NETO1: variants seen among roughly 807,000 people sequenced by gnomAD.
NETO1 encodes neuropilin and tolloid-like protein 1.
Under a neutral mutation model 61.3 loss-of-function variants are expected in NETO1, and 26 were observed. The ratio of observed to expected loss-of-function variants is 0.42; its 90% confidence interval spans 0.31 to 0.59. The LOEUF is 0.59. Among genes scored for constraint, NETO1 ranks in the 20% least tolerant of loss-of-function variants. The pLI is 0.12. For missense variants in NETO1, 531 were observed against 662.8 expected (o/e 0.80, Z 2.18); for synonymous variants, 225 against 225.8 (o/e 1.00, Z 0.03).
intron 3 of NETO1, among the ~76,000 whole-genome samples, chr18:72,863,814 G>C (rs952900730): frequency 6.6e-6 from 1 of 152,056 alleles, no homozygotes; most frequent in Non-Finnish European, 1.5e-5. Flanking sequence ...GTGTGTGTGT[G>C]GGGGGAAGGT....
intron 6 of NETO1, among the ~76,000 whole-genome samples, chr18:72,785,459 TAC>T (rs2071881612): frequency 6.6e-6 from 1 of 152,188 alleles, no homozygotes; most frequent in African/African-American, 2.4e-5. Flanking sequence ...AGATTCTCCT[TAC>T]AGCCCCAAAG....
chr18:72,816,527 A>T (rs2073038396), intron 4 of NETO1, among the ~76,000 whole-genome samples: 1 of 152,026 alleles, frequency 6.6e-6, no homozygotes, highest in African/African-American at 2.4e-5. Context: ...GGAGCGGGGG[A>T]AAGGGAGGAA....
intron 4 of NETO1, among the ~76,000 whole-genome samples, chr18:72,846,924 C>T (rs759142728): frequency 1.4e-4 from 22 of 152,322 alleles, no homozygotes; most frequent in African/African-American, 4.3e-4. Context: ...ACTTTGTTTG[C>T]GCGCCAAATT....
At position 72,749,038 on chromosome 18, in the gene NETO1, G is replaced by C; in HGVS notation, c.1592C>G (p.Thr531Ser). 6.2e-7 allele frequency: 1 copy of C among 1,610,494 alleles called. No homozygotes were observed. ...CCTTGAATTTTCTTTCTAGACCCTA[G>C]TTGTGTTGTATTCAGATTCATGTTT... ...LSKHESEYNTTRV is the reference protein window; with the variant it reads ...LSKHESEYNTSRV The change falls in exon 10 of 11, where the codon ACT (threonine) becomes AGT (serine). Residue 531 changes from threonine to serine, a missense_variant. Transcript: ENST00000327305.
intron 4 of NETO1, among the ~76,000 whole-genome samples, chr18:72,842,424 GTGATGA>G (rs951139613): frequency 6.6e-6 from 1 of 151,812 alleles, no homozygotes; most frequent in Non-Finnish European, 1.5e-5. Flanking sequence ...TATGGCGATG[GTGATGA>G]TGATGATGAT....
chr18:72,824,715 A>AC (rs1476288496), intron 4 of NETO1, among the ~76,000 whole-genome samples: 20 of 150,276 alleles, frequency 1.3e-4, no homozygotes, highest in African/African-American at 4.2e-4. Flanking sequence ...AAATACAAAA[A>AC]AAAAACAAAC....
chr18:72,786,691 A>G (rs915286829), intron 6 of NETO1, among the ~76,000 whole-genome samples: 18 of 152,058 alleles, frequency 1.2e-4, no homozygotes, highest in African/African-American at 4.3e-4. Context: ...CCAACACAAT[A>G]TTTCATTTCT....
chr18:72,772,759 C>CTATGTATA (rs1555684130), intron 7 of NETO1, among the ~76,000 whole-genome samples: 1 of 102,320 alleles, frequency 9.8e-6, no homozygotes, highest in Non-Finnish European at 1.9e-5. Flanking sequence ...CTATATATAT[C>CTATGTATA]TATATATATA....
Position 72,782,095 on chromosome 18 carries a change from C to T in NETO1, c.868+1583G>A, listed in dbSNP as rs115230768. On this transcript the variant is annotated intron_variant, in intron 7 of 10. Transcript: ENST00000327305. ...GCTCTCACTTATTGGTGAGAACGTG[C>T]GGTATTTGATTTTCTGTTACTATAT... 3.9e-3 allele frequency among the ~76,000 whole-genome samples: 590 copies of T among 152,186 alleles called. 4 individuals carry two copies. The highest frequency in any genetic ancestry group is 0.014 in the African/African-American group (564 of 41,524).
chr18:72,829,178 C>T (rs548114744), intron 4 of NETO1, among the ~76,000 whole-genome samples: 1 of 152,200 alleles, frequency 6.6e-6, no homozygotes, highest in East Asian at 1.9e-4. Flanking sequence ...TTGAAGAAGA[C>T]ATTTTAAAAG....
At chr18:72,859,166 T>C (rs892626349) in intron 3 of NETO1, 92 bp from the exon 4 acceptor site, 34 of 1,285,440 alleles carry the variant, frequency 2.6e-5, no homozygotes, top group Non-Finnish European at 3.1e-5. Flanking sequence ...TTTGTACATC[T>C]TCTCTCAAAC....
At position 72,787,621 on chromosome 18, in the gene NETO1, G is replaced by A. The variant is rs962621781; in HGVS notation, c.640-3715C>T. Among the ~76,000 whole-genome samples the A allele has an allele frequency of 7.2e-5, 11 of 152,138 alleles. No individual in the cohort carries two copies. In the South Asian group the frequency reaches 1.9e-3, roughly 26 times the overall value. On this transcript the variant is annotated intron_variant, in intron 6 of 10. Coordinates refer to ENST00000327305, the MANE Select transcript of NETO1 (RefSeq NM_138966.5). ...GACGATAGCTTAAGACACTGCTAAT[G>A]CATTATTTCATATCTCTCAACAACA...
At chr18:72,778,662 T>C (rs1429288053) in intron 7 of NETO1, among the ~76,000 whole-genome samples, 3 of 152,152 alleles carry the variant, frequency 2.0e-5, no homozygotes, top group African/African-American at 7.2e-5. Context: ...ATTTGAAAGC[T>C]CATCAAAACG....
At chr18:72,823,443 A>C (rs141813219) in intron 4 of NETO1, among the ~76,000 whole-genome samples, 3 of 152,126 alleles carry the variant, frequency 2.0e-5, no homozygotes, top group African/African-American at 7.2e-5. Flanking sequence ...GACCTAAGGG[A>C]AGAGGGAGAA....
chr18:72,859,034 C>T lies in NETO1; in HGVS notation c.261G>A (p.Lys87=), dbSNP rs755533317. 1 of 1,613,390 alleles carries T rather than the reference C, an allele frequency of 6.2e-7. No individual in the cohort carries two copies. Among genetic ancestry groups the T allele is most frequent in the South Asian group, 1.1e-5 (1 of 90,920 alleles). ...RQCIELYFDE[K]YSIEPSWECK... The stretch of plus-strand genomic sequence containing the variant: ...ACTCCCAAGACGGTTCAATAGAGTA[C>T]TTTTCATCAAAGTAAAGTTCAATGC... Residue 87 remains lysine, a synonymous_variant, in exon 4 of 11, where the codon AAG becomes AAA. Transcript: ENST00000327305.
intron 4 of NETO1, among the ~76,000 whole-genome samples, chr18:72,844,938 C>T (rs2074040530): frequency 6.6e-6 from 1 of 152,124 alleles, no homozygotes; most frequent in South Asian, 2.1e-4. Context: ...AGCACTGAAG[C>T]GCAGGTCTTA....
chr18:72,831,038 C>G (rs1028177649), intron 4 of NETO1, among the ~76,000 whole-genome samples: 1 of 152,136 alleles, frequency 6.6e-6, no homozygotes, highest in Admixed American at 6.5e-5. Context: ...GACCCCCTTA[C>G]CCCACTACCT....
intron 1 of NETO1, chr18:72,866,807 C>T (rs1029636822): frequency 2.0e-6 from 2 of 999,878 alleles, no homozygotes; most frequent in African/African-American, 1.7e-5. Flanking sequence ...CTCGCCCTTC[C>T]CTCCAGCGCT....
chr18:72,862,552 A>G (rs141446733), intron 3 of NETO1, among the ~76,000 whole-genome samples: 1 of 151,922 alleles, frequency 6.6e-6, no homozygotes, highest in Non-Finnish European at 1.5e-5. Context: ...CGAGCAACAA[A>G]TATTAGAACA....
Sources: allele counts gnomAD v4.1 joint callset (sites outside exome capture counted in the v4.1 genomes callset), GRCh38; gene constraint gnomAD v4.1.1; transcripts MANE v1.5; gene names NCBI Gene and HGNC (gene_info 2026-07-23, HGNC 2026-07-21).